VWCE: variants seen among roughly 807,000 people sequenced by gnomAD.
VWCE encodes the protein von Willebrand factor C and EGF domains, also known as von Willebrand factor C and EGF domain-containing protein.
In VWCE, 68 loss-of-function variants were observed where a neutral mutation model predicts 102.9. That is an observed-to-expected ratio of 0.66 (90% CI 0.54 to 0.81). The LOEUF (loss-of-function observed/expected upper bound fraction) is 0.81. Among genes scored for constraint, VWCE ranks in the 30% least tolerant of loss-of-function variants. The pLI is 0.00. For synonymous variants in VWCE, 497 were observed against 515.4 expected (o/e 0.96, Z 0.48); for missense variants, 1,137 against 1,263.6 (o/e 0.90, Z 1.52).
chr11:61,276,549 TAAAA>T (rs71471819), intron 11 of VWCE, 40 bp downstream of exon 11: 57 of 1,147,654 alleles, frequency 5.0e-5, no homozygotes, highest in South Asian at 1.8e-4. Context: ...ACAAAAAATC[TAAAA>T]AAAAAAAAAA....
chr11:61,267,314 G>T (rs1325696486), intron 16 of VWCE, 148 bp downstream of exon 16: 2 of 759,714 alleles, frequency 2.6e-6, no homozygotes, highest in Non-Finnish European at 4.4e-6. Flanking sequence ...GGGTCACCCT[G>T]GGCAGGACTG....
chr11:61,289,049 T>C (rs1420453063), intron 4 of VWCE, among the ~76,000 whole-genome samples: 3 of 151,892 alleles, frequency 2.0e-5, no homozygotes, highest in East Asian at 3.9e-4. Context: ...ATGTTGGTCA[T>C]GGCTGGTCTC....
At chr11:61,289,367 C>T (rs1319100108) in intron 4 of VWCE, among the ~76,000 whole-genome samples, 2 of 152,024 alleles carry the variant, frequency 1.3e-5, no homozygotes, top group Admixed American at 6.6e-5. Context: ...TCTCCTGCCT[C>T]GGCCTCCTGA....
chr11:61,281,656 A>G, intron 7 of VWCE, 130 bp downstream of exon 7: 1 of 1,229,640 alleles, frequency 8.1e-7, no homozygotes, highest in Non-Finnish European at 1.1e-6. Flanking sequence ...GGGCGGGGCC[A>G]GGAGCTGAGA....
intron 14 of VWCE, among the ~76,000 whole-genome samples, chr11:61,269,802 A>G (rs1257075047): frequency 6.6e-6 from 1 of 152,042 alleles, no homozygotes; most frequent in Non-Finnish European, 1.5e-5. Flanking sequence ...AACCTTTTGT[A>G]TCACTCTCTT....
At chr11:61,266,180 G>C (rs554651869) in intron 16 of VWCE, among the ~76,000 whole-genome samples, 2 of 152,272 alleles carry the variant, frequency 1.3e-5, no homozygotes, top group East Asian at 3.9e-4. Flanking sequence ...CTAGGCAACA[G>C]AGCAAGATCC....
At chr11:61,293,416 CAA>C (rs752077588) in intron 1 of VWCE, among the ~76,000 whole-genome samples, 13 of 61,722 alleles carry the variant, frequency 2.1e-4, no homozygotes, top group Admixed American at 5.9e-4. Flanking sequence ...GATTCTGTCT[CAA>C]AAAAAAAAAA....
intron 1 of VWCE, among the ~76,000 whole-genome samples, chr11:61,293,520 G>A (rs1230304143): frequency 1.3e-5 from 2 of 152,036 alleles, no homozygotes; most frequent in Non-Finnish European, 2.9e-5. Flanking sequence ...GGGGGACAGA[G>A]AGGACAACTG....
intron 17 of VWCE, 30 bp from the exon 18 acceptor site, chr11:61,265,068 G>C: frequency 6.2e-7 from 1 of 1,614,098 alleles, no homozygotes; most frequent in Non-Finnish European, 8.5e-7. Flanking sequence ...AGGAGCCCAT[G>C]AGAGCCGAGG....
At chr11:61,284,319 A>G (rs1298723085) in intron 5 of VWCE, among the ~76,000 whole-genome samples, 1 of 152,214 alleles carries the variant, frequency 6.6e-6, no homozygotes, top group Non-Finnish European at 1.5e-5. Context: ...GATAATACCA[A>G]CTTCACTGGG....
chr11:61,276,966 A>G (rs1211037448), intron 10 of VWCE, among the ~76,000 whole-genome samples: 1 of 95,522 alleles, frequency 1.0e-5, no homozygotes, highest in Admixed American at 1.2e-4. Flanking sequence ...GGGGAGGGGA[A>G]GGGCAGGAGA....
intron 10 of VWCE, among the ~76,000 whole-genome samples, chr11:61,277,874 T>C (rs1854975027): frequency 6.6e-6 from 1 of 152,120 alleles, no homozygotes; most frequent in Non-Finnish European, 1.5e-5. Flanking sequence ...AGGCTCGCTC[T>C]GTCGCCCAGG....
At chr11:61,278,300 G>A in intron 10 of VWCE, 94 bp downstream of exon 10, 2 of 1,359,436 alleles carry the variant, frequency 1.5e-6, no homozygotes, top group East Asian at 4.6e-5. Flanking sequence ...CACTCAACAA[G>A]CTCACCTTTA....
At chr11:61,280,598 T>A (rs1327109236) in intron 9 of VWCE, 26 bp downstream of exon 9, 1 of 1,610,154 alleles carries the variant, frequency 6.2e-7, no homozygotes, top group African/African-American at 1.3e-5. Flanking sequence ...GGCAGGACTA[T>A]GTCCTTCCCT....
chr11:61,273,347 G>C lies in VWCE; in HGVS notation c.1582-31C>G, dbSNP rs747963089. Reference sequence around the variant, plus strand: ...AGAGAGCCCAGGCACAGAATGATGAGGGCGGCACCCTGCCTGGGGACCATG... The same window carrying C: ...AGAGAGCCCAGGCACAGAATGATGACGGCGGCACCCTGCCTGGGGACCATG... On this transcript the variant is annotated intron_variant, in intron 12 of 19. Transcript: ENST00000335613. 3.8e-6 allele frequency: 6 copies of C among 1,567,754 alleles called. No individual in the cohort carries two copies. The Admixed American group carries it at 5.7e-5, about 15-fold the overall frequency.
intron 4 of VWCE, among the ~76,000 whole-genome samples, chr11:61,287,745 G>A (rs1855378986): frequency 6.6e-6 from 1 of 152,142 alleles, no homozygotes; most frequent in Non-Finnish European, 1.5e-5. Context: ...GTGGAGAAAG[G>A]GTCTGAGGTG....
At chr11:61,259,415 G>A in intron 19 of VWCE, 103 bp from the exon 20 acceptor site, 1 of 1,427,698 alleles carries the variant, frequency 7.0e-7, no homozygotes, top group Non-Finnish European at 9.3e-7. Flanking sequence ...TGTCCTCAGA[G>A]GGGCCTCAGC....
intron 14 of VWCE, 99 bp from the exon 15 acceptor site, chr11:61,269,117 C>T: frequency 8.5e-7 from 1 of 1,180,840 alleles, no homozygotes; most frequent in Non-Finnish European, 1.2e-6. Context: ...CTGGCCAAGG[C>T]TTGCCCTGAA....
intron 19 of VWCE, 63 bp downstream of exon 19, chr11:61,264,423 CG>C: frequency 2.7e-6 from 4 of 1,494,080 alleles, no homozygotes; most frequent in South Asian, 1.2e-5. Flanking sequence ...TTCTATGTAC[CG>C]GGGAAGAAAA....
Sources: gnomAD v4.1 joint callset for allele counts (sites outside exome capture counted in the v4.1 genomes callset) on GRCh38, gnomAD v4.1.1 for gene constraint, MANE v1.5 for transcripts, NCBI Gene and HGNC (gene_info 2026-07-23, HGNC 2026-07-21) for gene names.